The following SCML4 variants were observed in gnomAD, a reference collection of about 807,000 sequenced individuals.
SCML4 encodes sex comb on midleg-like protein 4.
A neutral mutation model predicts 41.1 loss-of-function variants in SCML4; 34 were observed. The ratio of observed to expected loss-of-function variants is 0.83; its 90% CI spans 0.63 to 1.10. The LOEUF is 1.10. Ranked by LOEUF, SCML4 falls within the 50% of genes least tolerant of loss-of-function variation. SCML4 has a pLI of 0.00. For synonymous variants in SCML4, 214 were observed against 220.9 expected (o/e 0.97, Z 0.28); for missense variants, 522 against 534.1 (o/e 0.98, Z 0.22).
intron 1 of SCML4, among the ~76,000 whole-genome samples, chr6:107,807,072 T>C (rs1040593299): frequency 3.9e-4 from 59 of 152,252 alleles, no homozygotes; most frequent in African/African-American, 1.3e-3. Context: ...TTTTTTTTTT[T>C]TTTTTTGGCT....
chr6:107,838,791 A>G, the SCML4 span, among the ~76,000 whole-genome samples: 1 of 152,218 alleles, frequency 6.6e-6, no homozygotes, highest in Non-Finnish European at 1.5e-5. Flanking sequence ...ATAGAGACAC[A>G]TGCAAATATT....
At chr6:107,811,004 C>G (rs1784120959) in intron 1 of SCML4, among the ~76,000 whole-genome samples, 2 of 152,042 alleles carry the variant, frequency 1.3e-5, no homozygotes, top group South Asian at 2.1e-4. Context: ...GGATGGGGCC[C>G]TAATCCAATA....
intron 7 of SCML4, among the ~76,000 whole-genome samples, chr6:107,705,890 C>G (rs1478285556): frequency 7.2e-5 from 11 of 152,156 alleles, no homozygotes; most frequent in Admixed American, 7.2e-4. Flanking sequence ...CAAAGAACTA[C>G]TAAGAGGATG....
At chr6:107,726,076 CAAAAA>C (rs59523273) in intron 5 of SCML4, among the ~76,000 whole-genome samples, 3 of 105,024 alleles carry the variant, frequency 2.9e-5, no homozygotes, top group Admixed American at 2.0e-4. Flanking sequence ...GACCCAGTCT[CAAAAA>C]AAAAAAAAAA....
chr6:107,801,198 C>T (rs560329497), intron 1 of SCML4, among the ~76,000 whole-genome samples: 3 of 152,276 alleles, frequency 2.0e-5, no homozygotes, highest in Middle Eastern at 3.4e-3. Context: ...AAAGCCCAAC[C>T]GATTTCTCCT....
At chr6:107,839,335 G>A in the SCML4 span, among the ~76,000 whole-genome samples, 1 of 31,016 alleles carries the variant, frequency 3.2e-5, no homozygotes, top group East Asian at 3.2e-3. Context: ...AAGAAAGAGA[G>A]AGAGAAAAAG....
upstream of SCML4, among the ~76,000 whole-genome samples, chr6:107,826,651 T>C (rs915519892): frequency 4.6e-5 from 7 of 152,242 alleles, no homozygotes; most frequent in African/African-American, 1.7e-4. Flanking sequence ...AGGCCCAACC[T>C]CCTTGCCTCC....
the SCML4 span, among the ~76,000 whole-genome samples, chr6:107,844,059 T>C: frequency 1.3e-5 from 2 of 152,028 alleles, no homozygotes; most frequent in Non-Finnish European, 2.9e-5. Flanking sequence ...GGATACAGTA[T>C]GAAAAGACAG....
chr6:107,713,523 C>T (rs1054749906), intron 6 of SCML4, among the ~76,000 whole-genome samples: 3 of 152,238 alleles, frequency 2.0e-5, no homozygotes, highest in African/African-American at 7.2e-5. Flanking sequence ...CTTCCCGTCC[C>T]TCCTGGGCTC....
upstream of SCML4, among the ~76,000 whole-genome samples, chr6:107,825,936 CAAA>C (rs71015515): frequency 6.2e-4 from 39 of 62,650 alleles, no homozygotes; most frequent in Admixed American, 2.4e-4. Flanking sequence ...GACTCCATCT[CAAA>C]AAAAAAAAAA....
At chr6:107,746,629 G>C (rs867871502) in intron 4 of SCML4, 60 bp downstream of exon 4, 1 of 1,485,636 alleles carries the variant, frequency 6.7e-7, no homozygotes, top group Admixed American at 1.7e-5. Flanking sequence ...CCTGAGTATG[G>C]CTGCTTCCTC....
the SCML4 span, among the ~76,000 whole-genome samples, chr6:107,834,173 C>T: frequency 6.6e-6 from 1 of 152,122 alleles, no homozygotes; most frequent in Admixed American, 6.5e-5. Context: ...CCATAGAACC[C>T]AGAAAGTCTC....
At chr6:107,814,928 A>T (rs1784455791) in intron 1 of SCML4, among the ~76,000 whole-genome samples, 1 of 152,204 alleles carries the variant, frequency 6.6e-6, no homozygotes, top group Admixed American at 6.5e-5. Context: ...GACACATGAT[A>T]GAAAGGGTCT....
the SCML4 span, among the ~76,000 whole-genome samples, chr6:107,839,352 A>AGAAAGAAG: frequency 2.5e-5 from 2 of 79,952 alleles, no homozygotes; most frequent in African/African-American, 1.0e-4. Context: ...AAAGAAAGAA[A>AGAAAGAAG]GAAAGAAAGA....
At chr6:107,837,567 G>A in the SCML4 span, among the ~76,000 whole-genome samples, 12 of 152,216 alleles carry the variant, frequency 7.9e-5, no homozygotes, top group South Asian at 2.1e-4. Flanking sequence ...TTTTCCACTG[G>A]AGACAGGTCA....
At chr6:107,750,922 C>T (rs1012873312) in intron 2 of SCML4, among the ~76,000 whole-genome samples, 2 of 152,150 alleles carry the variant, frequency 1.3e-5, no homozygotes, top group South Asian at 2.1e-4. Flanking sequence ...TCTTCACTTT[C>T]GTCCTGGATT....
intron 1 of SCML4, among the ~76,000 whole-genome samples, chr6:107,794,566 T>A (rs997275990): frequency 6.6e-6 from 1 of 152,198 alleles, no homozygotes; most frequent in Non-Finnish European, 1.5e-5. Context: ...TGTATATGTG[T>A]GTGTGTCTAT....
intron 1 of SCML4, among the ~76,000 whole-genome samples, chr6:107,791,585 A>G (rs1562262802): frequency 6.6e-6 from 1 of 152,208 alleles, no homozygotes; most frequent in Non-Finnish European, 1.5e-5. Context: ...CAAGCTAGTA[A>G]CACTTATTAA....
intron 5 of SCML4, among the ~76,000 whole-genome samples, chr6:107,731,822 G>C (rs1305665696): frequency 6.6e-6 from 1 of 152,236 alleles, no homozygotes; most frequent in Non-Finnish European, 1.5e-5. Flanking sequence ...ACCCCTCTTT[G>C]CTTAGCCAGG....
Sources: allele counts gnomAD v4.1 joint callset (sites outside exome capture counted in the v4.1 genomes callset), GRCh38; gene constraint gnomAD v4.1.1; transcripts MANE v1.5; gene names NCBI Gene and HGNC (gene_info 2026-07-23, HGNC 2026-07-21).